Variants in MACROD2 observed in about 807,000 individuals in gnomAD.
MACROD2 encodes the protein mono-ADP ribosylhydrolase 2.
In MACROD2, 36 loss-of-function variants were observed where a neutral mutation model predicts 70.4. The ratio of observed to expected loss-of-function variants is 0.51; its 90% confidence interval spans 0.39 to 0.68. MACROD2 has a LOEUF of 0.68. Among genes scored for constraint, MACROD2 ranks in the 30% least tolerant of loss-of-function variants. The probability of loss-of-function intolerance (pLI) is 0.00; values close to 1 mark genes in which losing one functional copy is unlikely to be tolerated. For synonymous variants in MACROD2, 172 were observed against 178.8 expected (o/e 0.96, Z 0.30); for missense variants, 496 against 538.4 (o/e 0.92, Z 0.78).
chr20:15,800,719 T>G (rs1383462937), intron 8 of MACROD2, among the ~76,000 whole-genome samples: 1 of 151,986 alleles, frequency 6.6e-6, no homozygotes, highest in Non-Finnish European at 1.5e-5. Flanking sequence ...CAGGCCATGA[T>G]GACAATGGCG....
chr20:15,872,881 T>C lies in MACROD2; in HGVS notation c.727+10055T>C, dbSNP rs138469600. Among the ~76,000 whole-genome samples the C allele has an allele frequency of 2.6e-3, 397 of 152,230 alleles. 2 individuals carry two copies. The highest frequency in any genetic ancestry group is 8.9e-3 in the African/African-American group (370 of 41,566). ...GAAAATGCAAACAGCCAGAAATTAG[T>C]CTTATAACTTGCTATATGTCATTTA... On this transcript the variant is annotated intron_variant, in intron 9 of 17. Coordinates refer to ENST00000684519, the MANE Select transcript of MACROD2 (RefSeq NM_001351661.2).
chr20:15,416,133 C>A (rs2046144928), intron 6 of MACROD2, among the ~76,000 whole-genome samples: 1 of 152,168 alleles, frequency 6.6e-6, no homozygotes, highest in Admixed American at 6.5e-5. Context: ...TGCTCCCCAT[C>A]TTGTTCTTTT....
At chr20:15,398,811 T>A (rs901151713) in intron 6 of MACROD2, among the ~76,000 whole-genome samples, 2 of 151,738 alleles carry the variant, frequency 1.3e-5, no homozygotes, top group Non-Finnish European at 2.9e-5. Flanking sequence ...GTTTGTTCTG[T>A]TTTATTTTGT....
At chr20:14,977,300 T>G (rs201077808) in intron 5 of MACROD2, among the ~76,000 whole-genome samples, 22 of 128,462 alleles carry the variant, frequency 1.7e-4, no homozygotes, top group Middle Eastern at 3.8e-3. Flanking sequence ...CACCTTGATT[T>G]TTTTTTTTTT....
At chr20:15,041,433 T>C (rs2075355616) in intron 5 of MACROD2, among the ~76,000 whole-genome samples, 1 of 152,102 alleles carries the variant, frequency 6.6e-6, no homozygotes, top group Admixed American at 6.5e-5. Context: ...TTTTTTAAAT[T>C]AATTTCTCTC....
At chr20:14,277,702 AAAAAG>A (rs1203653258) in intron 3 of MACROD2, among the ~76,000 whole-genome samples, 1 of 152,154 alleles carries the variant, frequency 6.6e-6, no homozygotes, top group Non-Finnish European at 1.5e-5. Flanking sequence ...ACTCTTAAAA[AAAAAG>A]AGAGAGTGAG....
chr20:14,021,228 A>G (rs903930696), intron 2 of MACROD2, among the ~76,000 whole-genome samples: 2 of 152,078 alleles, frequency 1.3e-5, no homozygotes, highest in East Asian at 1.9e-4. Flanking sequence ...TGACCTCGTG[A>G]TCCGCCTACC....
intron 8 of MACROD2, among the ~76,000 whole-genome samples, chr20:15,716,475 G>T (rs1442921029): frequency 6.6e-6 from 1 of 152,346 alleles, no homozygotes; most frequent in Middle Eastern, 3.4e-3. Context: ...GCTGGGAGCT[G>T]CTGGAGACCA....
At chr20:14,109,888 T>G (rs2054424709) in intron 3 of MACROD2, among the ~76,000 whole-genome samples, 2 of 151,754 alleles carry the variant, frequency 1.3e-5, no homozygotes, top group African/African-American at 4.8e-5. Flanking sequence ...AGTATTACCC[T>G]GATACCAAAA....
chr20:14,552,912 A>G (rs114888371), intron 4 of MACROD2, among the ~76,000 whole-genome samples: 1 of 152,196 alleles, frequency 6.6e-6, no homozygotes, highest in Non-Finnish European at 1.5e-5. Flanking sequence ...GTGAAGGACT[A>G]GGACATTGCT....
At chr20:14,504,140 C>T (rs2123130567) in intron 4 of MACROD2, among the ~76,000 whole-genome samples, 1 of 152,218 alleles carries the variant, frequency 6.6e-6, no homozygotes, top group East Asian at 1.9e-4. Flanking sequence ...TTGCTGAAAC[C>T]TCAGAATCTT....
chr20:15,067,152 A>C (rs1021978341), intron 5 of MACROD2, among the ~76,000 whole-genome samples: 1 of 152,184 alleles, frequency 6.6e-6, no homozygotes, highest in Admixed American at 6.5e-5. Context: ...TAAGAAATGC[A>C]ACTAATTTTT....
intron 5 of MACROD2, among the ~76,000 whole-genome samples, chr20:14,896,288 C>G (rs775536415): frequency 3.3e-5 from 5 of 151,800 alleles, no homozygotes; most frequent in Non-Finnish European, 5.9e-5. Flanking sequence ...GAGCGCAACT[C>G]TATCTCAAAA....
At chr20:14,451,607 C>T (rs937396748) in intron 3 of MACROD2, among the ~76,000 whole-genome samples, 1 of 152,148 alleles carries the variant, frequency 6.6e-6, no homozygotes, top group Admixed American at 6.5e-5. Context: ...CTTCCACCAG[C>T]ATTTGGTTGA....
At chr20:15,150,271 G>A (rs934188501) in intron 5 of MACROD2, among the ~76,000 whole-genome samples, 1 of 151,970 alleles carries the variant, frequency 6.6e-6, no homozygotes, top group African/African-American at 2.4e-5. Context: ...AAGAGAGGCT[G>A]GGACGAGGGG....
At chr20:15,615,556 G>A (rs1450021306) in intron 8 of MACROD2, among the ~76,000 whole-genome samples, 4 of 152,090 alleles carry the variant, frequency 2.6e-5, no homozygotes, top group African/African-American at 7.2e-5. Context: ...TGATTGAGCC[G>A]GCACTCGATA....
At chr20:14,996,658 C>T (rs905971631) in intron 5 of MACROD2, among the ~76,000 whole-genome samples, 1 of 152,158 alleles carries the variant, frequency 6.6e-6, no homozygotes, top group African/African-American at 2.4e-5. Context: ...CAGCAGTGGG[C>T]TGCTTGGCGC....
intron 8 of MACROD2, among the ~76,000 whole-genome samples, chr20:15,760,617 A>C (rs541693582): frequency 6.6e-6 from 1 of 152,250 alleles, no homozygotes; most frequent in East Asian, 1.9e-4. Context: ...GCAGGGAGAG[A>C]GGGCAGGAGG....
intron 5 of MACROD2, among the ~76,000 whole-genome samples, chr20:14,818,139 T>A (rs1307243875): frequency 6.6e-6 from 1 of 152,130 alleles, no homozygotes; most frequent in African/African-American, 2.4e-5. Flanking sequence ...CATTTATGGA[T>A]ATCCCCTGCT....
Sources: allele counts gnomAD v4.1 joint callset (sites outside exome capture counted in the v4.1 genomes callset), GRCh38; gene constraint gnomAD v4.1.1; transcripts MANE v1.5; gene names NCBI Gene and HGNC (gene_info 2026-07-23, HGNC 2026-07-21).